Variants in AGAP1 observed in about 807,000 individuals in gnomAD.
AGAP1 encodes arf-GAP with GTPase, ANK repeat and PH domain-containing protein 1.
In AGAP1, 29 loss-of-function variants were observed where a neutral mutation model predicts 105.3. The ratio of observed to expected loss-of-function variants is 0.28; its 90% CI spans 0.21 to 0.38. The LOEUF (loss-of-function observed/expected upper bound fraction) is 0.38, where lower values mean the gene tolerates loss of function less well. Among genes scored for constraint, AGAP1 ranks in the 10% least tolerant of loss-of-function variants. AGAP1 has a pLI of 1.00. For missense variants in AGAP1, 998 were observed against 1,165.1 expected (o/e 0.86, Z 2.09); for synonymous variants, 509 against 485.9 (o/e 1.05, Z -0.63).
At chr2:235,768,836 C>T (rs1955190459) in intron 6 of AGAP1, among the ~76,000 whole-genome samples, 1 of 152,196 alleles carries the variant, frequency 6.6e-6, no homozygotes, top group Non-Finnish European at 1.5e-5. Flanking sequence ...GTGGGCCAGG[C>T]CCCAGTTTGG....
At position 235,724,490 on chromosome 2, in the gene AGAP1, C is replaced by G. The variant is rs929162838; in HGVS notation, c.310+6846C>G. Among the ~76,000 whole-genome samples, 1 of 152,076 alleles carries G rather than the reference C, an allele frequency of 6.6e-6. No homozygotes were observed. Among genetic ancestry groups the G allele is most frequent in the Non-Finnish European group, 1.5e-5 (1 of 68,018 alleles). The stretch of plus-strand genomic sequence containing the variant: ...GCTGAGGTAGCTGGAAGAGTATGGT[C>G]AAGGAGCTCAAGGCAGCTCTTTCAC... On this transcript the variant is annotated intron_variant, in intron 3 of 17. Transcript: ENST00000304032. The surrounding 1 kb of genome is among the most constrained non-coding windows in gnomAD (Gnocchi z 4.9).
At chr2:235,738,592 C>T (rs1463445225) in intron 3 of AGAP1, among the ~76,000 whole-genome samples, 1 of 150,620 alleles carries the variant, frequency 6.6e-6, no homozygotes, top group African/African-American at 2.5e-5. Context: ...CAGTCTTGCT[C>T]TGTCACCCAG....
intron 11 of AGAP1, among the ~76,000 whole-genome samples, chr2:235,916,907 G>T (rs1408910869): frequency 1.3e-5 from 2 of 152,186 alleles, no homozygotes; most frequent in Non-Finnish European, 2.9e-5. Flanking sequence ...CACTATCATG[G>T]CAGCAAGGGG....
chr2:235,966,148 G>T (rs1298826392), intron 12 of AGAP1, among the ~76,000 whole-genome samples: 1 of 148,062 alleles, frequency 6.8e-6, no homozygotes, highest in East Asian at 2.0e-4. Context: ...GGATGGAGGA[G>T]AGGGGAGCTC....
rs193026508 is a variant in AGAP1 at position 235,787,827 on chromosome 2, A to C, written c.674-9932A>C. ...GCAAGCTGAAGAGCATTCTGGGATC[A>C]AGAAGATGACCAAGTACATTGTGGG... On this transcript the variant is annotated intron_variant, in intron 6 of 17. Transcript: ENST00000304032. This position sits in a 1 kb window ranked among gnomAD's most constrained non-coding sequence, Gnocchi z 4.4. Among the ~76,000 whole-genome samples, 1 of 152,262 alleles carries C rather than the reference A, an allele frequency of 6.6e-6. No homozygotes were observed. Among genetic ancestry groups the C allele is most frequent in the East Asian group, 1.9e-4 (1 of 5,178 alleles).
intron 16 of AGAP1, among the ~76,000 whole-genome samples, chr2:236,054,441 T>A (rs1250601077): frequency 1.4e-5 from 2 of 146,368 alleles, no homozygotes; most frequent in African/African-American, 5.1e-5. Flanking sequence ...CTCTTTTGAG[T>A]GTTCCTCTAT....
intron 11 of AGAP1, among the ~76,000 whole-genome samples, chr2:235,928,027 G>T (rs2052537672): frequency 6.6e-6 from 1 of 152,228 alleles, no homozygotes; most frequent in Admixed American, 6.5e-5. Context: ...TACACAGCAG[G>T]TGTCCCTGCA....
At chr2:235,743,674 G>A (rs898858141) in intron 4 of AGAP1, among the ~76,000 whole-genome samples, 1 of 152,192 alleles carries the variant, frequency 6.6e-6, no homozygotes, top group African/African-American at 2.4e-5. Context: ...AGAAGTCAGA[G>A]TTTAACCTGT....
chr2:235,592,977 C>T (rs183629188), intron 1 of AGAP1, among the ~76,000 whole-genome samples: 15 of 152,160 alleles, frequency 9.9e-5, no homozygotes, highest in East Asian at 7.8e-4. Context: ...GTGGCTGGGA[C>T]GGTGGCCGGG....
Position 236,014,253 on chromosome 2 carries a change from G to T in AGAP1, c.1646-22308G>T, listed in dbSNP as rs73121836. Among the ~76,000 whole-genome samples the T allele has an allele frequency of 6.6e-6, 1 of 152,144 alleles. No homozygotes were observed. Among genetic ancestry groups the T allele is most frequent in the African/African-American group, 2.4e-5 (1 of 41,424 alleles). On this transcript the variant is annotated intron_variant, in intron 13 of 17. Coordinates refer to ENST00000304032, the MANE Select transcript of AGAP1 (RefSeq NM_001037131.3). The surrounding 1 kb of genome is among the most constrained non-coding windows in gnomAD (Gnocchi z 6.3). ...CAGGACAGCAGAATGGCACTAGGGG[G>T]TTTTGCTGCTGTAGGTATTGCCTGA... is the stretch of plus-strand genomic sequence containing the variant.
At chr2:235,870,545 G>T (rs899589710) in intron 9 of AGAP1, among the ~76,000 whole-genome samples, 2 of 152,064 alleles carry the variant, frequency 1.3e-5, no homozygotes, top group Non-Finnish European at 2.9e-5. Context: ...AGAATCACTT[G>T]AACCTGAGAG....
intron 16 of AGAP1, among the ~76,000 whole-genome samples, chr2:236,074,051 G>A (rs979484651): frequency 5.3e-5 from 8 of 152,238 alleles, no homozygotes; most frequent in South Asian, 2.1e-4. Flanking sequence ...TTGTCCCAGC[G>A]TGGTGGGGGG....
intron 11 of AGAP1, among the ~76,000 whole-genome samples, chr2:235,920,169 T>C (rs1276854242): frequency 6.6e-6 from 1 of 152,198 alleles, no homozygotes; most frequent in Non-Finnish European, 1.5e-5. Context: ...CTTTTTTCTG[T>C]TATGTAGAAC....
chr2:235,494,894 C>T (rs377441296), intron 1 of AGAP1, 45 bp downstream of exon 1: 21 of 1,520,222 alleles, frequency 1.4e-5, no homozygotes, highest in Non-Finnish European at 1.8e-5. Flanking sequence ...CACGGACGCC[C>T]GCGGCGCGGC....
At chr2:235,996,297 C>T (rs890278969) in intron 13 of AGAP1, among the ~76,000 whole-genome samples, 9 of 152,218 alleles carry the variant, frequency 5.9e-5, no homozygotes, top group African/African-American at 2.2e-4. Context: ...CTGCCCACCT[C>T]TCCAGCAGAA....
At chr2:235,536,161 A>G (rs1943211261) in intron 1 of AGAP1, among the ~76,000 whole-genome samples, 2 of 143,362 alleles carry the variant, frequency 1.4e-5, no homozygotes, top group African/African-American at 2.7e-5. Flanking sequence ...ACACACACAC[A>G]CACACACACA....
At chr2:235,839,088 A>T (rs888822674) in intron 9 of AGAP1, among the ~76,000 whole-genome samples, 2 of 152,244 alleles carry the variant, frequency 1.3e-5, no homozygotes, top group African/African-American at 4.8e-5. Flanking sequence ...CCGAGGTCTG[A>T]GCATCAGAAT....
intron 9 of AGAP1, chr2:235,852,746 C>A (rs1015040193): frequency 1.9e-5 from 30 of 1,539,706 alleles, no homozygotes; most frequent in Non-Finnish European, 2.5e-5. Flanking sequence ...TGCTGGAGCC[C>A]GTGCCCGTCA....
chr2:235,597,672 A>G (rs963943279), intron 1 of AGAP1, among the ~76,000 whole-genome samples: 1 of 152,158 alleles, frequency 6.6e-6, no homozygotes, highest in African/African-American at 2.4e-5. Flanking sequence ...AAAAAAATGG[A>G]TTCCCGCTGG....
Sources: allele counts gnomAD v4.1 joint callset (sites outside exome capture counted in the v4.1 genomes callset), GRCh38; gene constraint gnomAD v4.1.1; non-coding constraint Gnocchi (gnomAD v3.1); transcripts MANE v1.5; gene names NCBI Gene and HGNC (gene_info 2026-07-23, HGNC 2026-07-21).